DLG2: variants seen among roughly 807,000 people sequenced by gnomAD.
DLG2 encodes discs large MAGUK scaffold protein 2, also known as disks large homolog 2.
Under a neutral mutation model 132.5 loss-of-function variants are expected in DLG2, and 45 were observed. The observed-to-expected ratio is 0.34, with a 90% CI of 0.27 to 0.44. The LOEUF (loss-of-function observed/expected upper bound fraction) is 0.44. Ranked by LOEUF, DLG2 falls within the 20% of genes least tolerant of loss-of-function variation. The pLI is 1.00. For synonymous variants in DLG2, 424 were observed against 419.6 expected (o/e 1.01, Z -0.13); for missense variants, 1,045 against 1,196.9 (o/e 0.87, Z 1.87).
intron 2 of DLG2, among the ~76,000 whole-genome samples, chr11:85,602,363 C>T (rs936297083): frequency 6.6e-6 from 1 of 152,126 alleles, no homozygotes; most frequent in Non-Finnish European, 1.5e-5. Flanking sequence ...ATGCTGTCAC[C>T]TTTGCCCTCC....
intron 19 of DLG2, among the ~76,000 whole-genome samples, 185 bp from the exon 20 acceptor site, chr11:83,542,043 GCTT>G (rs1435366453): frequency 6.7e-6 from 1 of 148,808 alleles, no homozygotes; most frequent in Non-Finnish European, 1.5e-5. Flanking sequence ...GTTAGTTCTT[GCTT>G]CTTCTTGGAG....
At chr11:84,057,168 C>T (rs2096517916) in intron 11 of DLG2, among the ~76,000 whole-genome samples, 2 of 152,132 alleles carry the variant, frequency 1.3e-5, no homozygotes, top group South Asian at 4.1e-4. Context: ...ATGAAGTAAA[C>T]CAGCTGGAGC....
At chr11:85,469,350 T>C (rs898099601) in intron 3 of DLG2, 1 of 152,332 alleles carries the variant, frequency 6.6e-6, no homozygotes, top group Non-Finnish European at 1.5e-5. Flanking sequence ...TCTGCTACAG[T>C]ATTTATTGAG....
chr11:85,145,975 G>C (rs1204107251), intron 5 of DLG2, among the ~76,000 whole-genome samples: 2 of 152,080 alleles, frequency 1.3e-5, no homozygotes, highest in African/African-American at 4.8e-5. Flanking sequence ...TATCCTTCTT[G>C]AGAAGGGTTT....
intron 6 of DLG2, among the ~76,000 whole-genome samples, chr11:85,104,232 A>T (rs1354076031): frequency 6.6e-6 from 1 of 151,958 alleles, no homozygotes; most frequent in African/African-American, 2.4e-5. Flanking sequence ...AGAATTGAAA[A>T]TACATGTCCA....
At chr11:85,422,403 G>A (rs1205429985) in intron 3 of DLG2, among the ~76,000 whole-genome samples, 2 of 151,986 alleles carry the variant, frequency 1.3e-5, no homozygotes, top group East Asian at 1.9e-4. Context: ...CTTTGTCTTT[G>A]TTGGGTTGGG....
intron 6 of DLG2, among the ~76,000 whole-genome samples, chr11:84,586,690 T>A (rs2099530824): frequency 6.6e-6 from 1 of 152,262 alleles, no homozygotes; most frequent in South Asian, 2.1e-4. Flanking sequence ...TATTTGTTAT[T>A]GACTTTTTTG....
At chr11:84,482,043 T>C (rs1025363383) in intron 7 of DLG2, among the ~76,000 whole-genome samples, 1 of 152,206 alleles carries the variant, frequency 6.6e-6, no homozygotes, top group African/African-American at 2.4e-5. Context: ...CCTTTATTTA[T>C]AAAAGATATC....
intron 18 of DLG2, among the ~76,000 whole-genome samples, chr11:83,775,964 A>T (rs565175843): frequency 6.6e-6 from 1 of 152,122 alleles, no homozygotes; most frequent in South Asian, 2.1e-4. Flanking sequence ...TGGTGGCAGG[A>T]GCCTGTAGTC....
chr11:85,082,589 C>G (rs1379137172), intron 6 of DLG2, among the ~76,000 whole-genome samples: 1 of 151,886 alleles, frequency 6.6e-6, no homozygotes, highest in Non-Finnish European at 1.5e-5. Context: ...TCATTAGAAG[C>G]CTTCTCTTGA....
intron 16 of DLG2, among the ~76,000 whole-genome samples, chr11:83,841,342 GT>G (rs537112127): frequency 7.2e-5 from 11 of 152,162 alleles, no homozygotes; most frequent in Non-Finnish European, 1.2e-4. Context: ...TGAAGGCTCT[GT>G]TACTAATCAT....
chr11:83,945,178 A>G (rs2083527680), intron 14 of DLG2, among the ~76,000 whole-genome samples: 1 of 152,214 alleles, frequency 6.6e-6, no homozygotes, highest in South Asian at 2.1e-4. Context: ...CAGGAGGCTG[A>G]GGCTTCAGAA....
At chr11:85,379,754 AC>A (rs2152928630) in intron 3 of DLG2, among the ~76,000 whole-genome samples, 1 of 152,332 alleles carries the variant, frequency 6.6e-6, no homozygotes, top group South Asian at 2.1e-4. Flanking sequence ...TTGCAACGAT[AC>A]TTCTGGCTGC....
intron 7 of DLG2, among the ~76,000 whole-genome samples, chr11:84,457,234 A>C (rs565260664): frequency 6.6e-6 from 1 of 151,196 alleles, no homozygotes; most frequent in East Asian, 1.9e-4. Flanking sequence ...AAAAAGTACT[A>C]TCTCCATATG....
In DLG2 at chr11:84,110,556, T is replaced by C. The variant is rs868337999; in HGVS notation, c.625-11509A>G. ...AAATGGGGAAGCATCCAGAAAAGGC[T>C]AGAAGAGCTATTAGATCACCATGCA... is the stretch of plus-strand genomic sequence containing the variant. On this transcript the variant is annotated intron_variant, in intron 9 of 27. Coordinates refer to ENST00000376104, the MANE Select transcript of DLG2 (RefSeq NM_001142699.3). 2.0e-5 allele frequency among the ~76,000 whole-genome samples: 3 copies of C among 152,134 alleles called. No homozygotes were observed. In the South Asian group the frequency reaches 6.2e-4, roughly 32 times the overall value.
At chr11:85,451,136 C>A (rs1415163493) in intron 3 of DLG2, among the ~76,000 whole-genome samples, 1 of 152,094 alleles carries the variant, frequency 6.6e-6, no homozygotes, top group African/African-American at 2.4e-5. Context: ...CTAATCTAAC[C>A]CATATCTGCA....
In DLG2 at chr11:85,559,813, ATGAT is replaced by A. The variant is rs972398909; in HGVS notation, c.40+38840_40+38843del. Among the ~76,000 whole-genome samples, 14 of 117,928 alleles carry A rather than the reference ATGAT, an allele frequency of 1.2e-4. 1 individual carries two copies. The highest frequency in any genetic ancestry group is 2.6e-4 in the Non-Finnish European group (14 of 54,418). 77.4% of individuals were successfully genotyped at this position (117,928 alleles called of 152,430 possible). A position where few individuals can be genotyped will look rare whatever the true frequency, so the allele number is the denominator to read the frequency against. ...ACACAGATAGATGGTGATTAGTTAG[ATGAT>A]TGATAGATAGATAGATAGATAGATA... On this transcript the variant is annotated intron_variant, in intron 3 of 27. Transcript: ENST00000376104.
At position 85,219,970 on chromosome 11, in the gene DLG2, A is replaced by T. The variant is rs902340398; in HGVS notation, c.186+65250T>A. On this transcript the variant is annotated intron_variant, in intron 4 of 27. Coordinates refer to ENST00000376104, the MANE Select transcript of DLG2 (RefSeq NM_001142699.3). ...TATGAAACCGAAACTTCCCACAAGAAATTACAACTGCTTTTTGTCTTAATT... is the reference window on the plus strand; with the variant it reads ...TATGAAACCGAAACTTCCCACAAGATATTACAACTGCTTTTTGTCTTAATT... Among the ~76,000 whole-genome samples, 3 of 151,890 alleles carry T rather than the reference A, an allele frequency of 2.0e-5. No homozygotes were observed. The East Asian group carries it at 5.8e-4, about 29-fold the overall frequency.
At chr11:84,420,754 C>T (rs1407325744) in intron 7 of DLG2, among the ~76,000 whole-genome samples, 4 of 141,476 alleles carry the variant, frequency 2.8e-5, no homozygotes, top group Non-Finnish European at 4.6e-5. Flanking sequence ...CTGCAAGCTC[C>T]GCCTCCCGGG....
Sources: gnomAD v4.1 joint callset for allele counts (sites outside exome capture counted in the v4.1 genomes callset) on GRCh38, gnomAD v4.1.1 for gene constraint, MANE v1.5 for transcripts, NCBI Gene and HGNC (gene_info 2026-07-23, HGNC 2026-07-21) for gene names.